OLFML2A: variants seen among roughly 807,000 people sequenced by gnomAD.
OLFML2A encodes olfactomedin-like protein 2A.
Under a neutral mutation model 60.9 loss-of-function variants are expected in OLFML2A, and 47 were observed. That is an observed-to-expected ratio of 0.77 (90% CI 0.61 to 0.98). The LOEUF (loss-of-function observed/expected upper bound fraction) is 0.98. Among genes scored for constraint, OLFML2A ranks in the 50% least tolerant of loss-of-function variants. OLFML2A has a pLI of 0.00. For synonymous variants in OLFML2A, 372 were observed against 375.0 expected, an observed-to-expected ratio of 0.99 and a Z score of 0.09; for missense variants, 922 against 879.8, an observed-to-expected ratio of 1.05 and a Z score of -0.61.
At chr9:124,809,001 TA>T (rs112598711) in intron 7 of OLFML2A, among the ~76,000 whole-genome samples, 29,633 of 139,916 alleles carry the variant, frequency 0.21, 3,370 homozygotes, top group Admixed American at 0.37. Context: ...ACTAAAAAAT[TA>T]AAAAAAAAAA....
chr9:124,781,178 T>G (rs1419449540), intron 1 of OLFML2A, among the ~76,000 whole-genome samples: 1 of 152,210 alleles, frequency 6.6e-6, no homozygotes, highest in Non-Finnish European at 1.5e-5. Context: ...GCAGTTAATA[T>G]GGCCCGAACT....
chr9:124,804,992 C>T (rs567860645), intron 6 of OLFML2A, among the ~76,000 whole-genome samples: 2 of 152,224 alleles, frequency 1.3e-5, no homozygotes, highest in South Asian at 2.1e-4. Flanking sequence ...CATGAGCCAC[C>T]GCACCAAGCC....
chr9:124,809,583 A>G (rs1294457034), intron 7 of OLFML2A, among the ~76,000 whole-genome samples: 1 of 150,554 alleles, frequency 6.6e-6, no homozygotes, highest in Non-Finnish European at 1.5e-5. Flanking sequence ...GAGCTGGGCG[A>G]CCTTGATCCT....
chr9:124,777,687 G>A lies in OLFML2A; in HGVS notation c.90+327G>A, dbSNP rs1841282817. On this transcript the variant is annotated intron_variant, in intron 1 of 7. Transcript: ENST00000373580. This position sits in a 1 kb window ranked among gnomAD's most constrained non-coding sequence, Gnocchi z 6.2. The stretch of plus-strand genomic sequence containing the variant: ...TCGGGGTTCGTAGGGGAAGCTCCTG[G>A]CAACTGTTACCCAACGACTCCCAGG... 1.3e-5 allele frequency among the ~76,000 whole-genome samples: 2 copies of A among 152,098 alleles called. No homozygotes were observed. Among genetic ancestry groups the A allele is most frequent in the African/African-American group, 4.8e-5 (2 of 41,424 alleles).
At position 124,810,103 on chromosome 9, in the gene OLFML2A, G is replaced by A. The variant is rs766271693; in HGVS notation, c.1650G>A (p.Leu550=). Residue 550 remains leucine (L), a synonymous_variant, in exon 8 of 8, where the codon CTG becomes CTA. Coordinates refer to ENST00000373580, the MANE Select transcript of OLFML2A (RefSeq NM_182487.4). The part of the protein sequence containing the change: ...RDEAQPEVIV[L]SRLDPGDLSV... ...AGGCCCAGCCCGAGGTGATCGTCCTGAGTCGCTTGGACCCCGGCGATCTCT... is the reference window on the plus strand; with the variant it reads ...AGGCCCAGCCCGAGGTGATCGTCCTAAGTCGCTTGGACCCCGGCGATCTCT... 1.9e-6 allele frequency: 3 copies of A among 1,613,840 alleles called. No individual in the cohort carries two copies. The highest frequency in any genetic ancestry group is 1.7e-5 in the Admixed American group (1 of 60,022).
intron 1 of OLFML2A, among the ~76,000 whole-genome samples, chr9:124,780,396 C>T (rs968554736): frequency 5.9e-5 from 9 of 152,168 alleles, no homozygotes; most frequent in Admixed American, 5.2e-4. Flanking sequence ...GATCAGGGGC[C>T]CAAGGACAGA....
chr9:124,781,344 G>A (rs970183664), intron 1 of OLFML2A, among the ~76,000 whole-genome samples: 12 of 152,164 alleles, frequency 7.9e-5, no homozygotes, highest in Non-Finnish European at 1.6e-4. Context: ...GGGTCTGGGA[G>A]AAGAGGCTGG....
rs1412446058 is a variant in OLFML2A at position 124,814,805 on chromosome 9, G to T, written c.*4393G>T. The stretch of plus-strand genomic sequence containing the variant: ...TTTTATGCTATTGTACTTTATTTTT[G>T]TAAGTTGCTGAGATATCTGTTTTGC... On this transcript the variant is annotated 3_prime_UTR_variant, in exon 8 of 8. Coordinates refer to ENST00000373580, the MANE Select transcript of OLFML2A (RefSeq NM_182487.4). The T allele has an allele frequency of 6.6e-6, 1 of 151,518 alleles. No homozygotes were observed. The highest frequency in any genetic ancestry group is 2.4e-5 in the African/African-American group (1 of 41,150). The allele number at this position is 151,518 out of a possible 1,614,324, so 9.4% of individuals were successfully genotyped here. A position where few individuals can be genotyped will look rare whatever the true frequency, so the allele number is the denominator to read the frequency against.
chr9:124,810,435 G>T lies in OLFML2A; in HGVS notation c.*23G>T. ...TGAGTGGAGACCTGTGCTCCCCGGA[G>T]AGGGGCAGCAGTGCGGGAGGGGCTT... is the stretch of plus-strand genomic sequence containing the variant. On this transcript the variant is annotated 3_prime_UTR_variant, in exon 8 of 8. Coordinates refer to ENST00000373580, the MANE Select transcript of OLFML2A (RefSeq NM_182487.4). 1 of 1,572,790 alleles carries T rather than the reference G, an allele frequency of 6.4e-7. No homozygotes were observed. Among genetic ancestry groups the T allele is most frequent in the Non-Finnish European group, 8.6e-7 (1 of 1,163,170 alleles).
chr9:124,790,469 A>C (rs1477567631), intron 2 of OLFML2A, among the ~76,000 whole-genome samples: 1 of 151,964 alleles, frequency 6.6e-6, no homozygotes, highest in Non-Finnish European at 1.5e-5. Context: ...GCCAAGTATT[A>C]AGATTTGAAC....
intron 5 of OLFML2A, among the ~76,000 whole-genome samples, chr9:124,803,024 T>C (rs772646706): frequency 1.2e-4 from 18 of 152,134 alleles, no homozygotes; most frequent in African/African-American, 3.6e-4. Flanking sequence ...TTCTCTCGCC[T>C]CAGCCTCCCA....
intron 2 of OLFML2A, among the ~76,000 whole-genome samples, chr9:124,794,279 G>A (rs1841622621): frequency 6.6e-6 from 1 of 152,188 alleles, no homozygotes; most frequent in Non-Finnish European, 1.5e-5. Flanking sequence ...GCAAGAGGAC[G>A]TATACTCCCT....
intron 1 of OLFML2A, among the ~76,000 whole-genome samples, chr9:124,786,763 CACACA>C (rs1467986602): frequency 6.7e-6 from 1 of 148,984 alleles, no homozygotes; most frequent in African/African-American, 2.5e-5. Flanking sequence ...CACACACACA[CACACA>C]CACACACACA....
rs773281458 is a variant in OLFML2A at position 124,801,656 on chromosome 9, G to T, written c.912G>T (p.Ala304=). Residue 304 remains alanine, a synonymous_variant, in exon 5 of 8, where the codon GCG becomes GCT. Coordinates refer to ENST00000373580, the MANE Select transcript of OLFML2A (RefSeq NM_182487.4). The part of the protein sequence containing the change: ...YKAGKQEVTE[A]VADNTLQGTS... Reference sequence around the variant, plus strand: ...CAGGCAAGCAGGAGGTGACCGAGGCGGTGGCAGGTGAGTAGGAGGGGAATG... The same window carrying T: ...CAGGCAAGCAGGAGGTGACCGAGGCTGTGGCAGGTGAGTAGGAGGGGAATG... 9.3e-6 allele frequency: 15 copies of T among 1,612,626 alleles called. No homozygotes were observed. The highest frequency in any genetic ancestry group is 1.3e-5 in the Non-Finnish European group (15 of 1,179,328).
At chr9:124,807,115 G>A (rs1466092609) in intron 6 of OLFML2A, among the ~76,000 whole-genome samples, 2 of 149,222 alleles carry the variant, frequency 1.3e-5, no homozygotes, top group Non-Finnish European at 3.0e-5. Flanking sequence ...GTAGAGAGAA[G>A]GTCTTGCTAT....
intron 2 of OLFML2A, among the ~76,000 whole-genome samples, chr9:124,788,355 C>A (rs1841516542): frequency 6.6e-6 from 1 of 151,630 alleles, no homozygotes; most frequent in South Asian, 2.1e-4. Context: ...TGCCTGTAAT[C>A]CCAGCACTTT....
Position 124,795,871 on chromosome 9 carries a change from G to A in OLFML2A, c.462+740G>A, listed in dbSNP as rs568894378. The stretch of plus-strand genomic sequence containing the variant: ...AGTGCCCAGCTGCTGTGGAGGCAGA[G>A]GTGCTGCGTGTCCTGCCCTGGTCAG... On this transcript the variant is annotated intron_variant, in intron 3 of 7. Coordinates refer to ENST00000373580, the MANE Select transcript of OLFML2A (RefSeq NM_182487.4). Among the ~76,000 whole-genome samples the A allele has an allele frequency of 2.8e-4, 42 of 152,362 alleles. No homozygotes were observed. In the South Asian group the frequency reaches 8.5e-3, roughly 31 times the overall value.
At chr9:124,801,806 T>C (rs1343941833) in intron 5 of OLFML2A, 143 bp downstream of exon 5, 5 of 932,458 alleles carry the variant, frequency 5.4e-6, no homozygotes, top group Non-Finnish European at 8.0e-6. Flanking sequence ...CATTCACATA[T>C]GAGGATAACA....
At chr9:124,804,062 G>A (rs1171107570) in intron 5 of OLFML2A, 32 bp from the exon 6 acceptor site, 7 of 1,607,962 alleles carry the variant, frequency 4.4e-6, no homozygotes, top group Non-Finnish European at 4.3e-6. Context: ...AGGTGGTGCT[G>A]AGATTTGAGC....
Sources: gnomAD v4.1 joint callset for allele counts (sites outside exome capture counted in the v4.1 genomes callset) on GRCh38, gnomAD v4.1.1 for gene constraint, Gnocchi (gnomAD v3.1) non-coding constraint, MANE v1.5 for transcripts, NCBI Gene and HGNC (gene_info 2026-07-23, HGNC 2026-07-21) for gene names.